Variants in ZNF747 observed in about 807,000 individuals in gnomAD.
ZNF747 encodes zinc finger protein 747, also known as KRAB domain-containing protein ZNF747.
ZNF747 carries 14 observed loss-of-function variants against 13.4 expected under a neutral mutation model. That is an observed-to-expected ratio of 1.04 (90% CI 0.69 to 1.63). The LOEUF is 1.63. Ranked by LOEUF, ZNF747 falls within the 40% of genes most tolerant of loss-of-function variation. The pLI is 0.00. For missense variants in ZNF747, 532 were observed against 477.9 expected, an observed-to-expected ratio of 1.11 and a Z score of -1.05; for synonymous variants, 212 against 206.5, an observed-to-expected ratio of 1.03 and a Z score of -0.23.
chr16:30,533,260 ATGGAG>A, intron 2 of ZNF747, 109 bp from the exon 3 acceptor site: 1 of 1,408,166 alleles, frequency 7.1e-7, no homozygotes, highest in Non-Finnish European at 9.7e-7. Context: ...CTCCTAGGAG[ATGGAG>A]GAGTGACACC....
In ZNF747 at chr16:30,532,831, C is replaced by A. The variant is rs1365018223; in HGVS notation, c.664G>T (p.Ala222Ser). Reference protein sequence around the residue: ...CADCGKGFGHASSLSKHRAIH... With the variant: ...CADCGKGFGHSSSLSKHRAIH... ...GCCCGGTGTTTGCTCAGGGAGGAAGCGTGGCCGAAGCCCTTGCCGCAGTCT... is the reference window on the plus strand; with the variant it reads ...GCCCGGTGTTTGCTCAGGGAGGAAGAGTGGCCGAAGCCCTTGCCGCAGTCT... Residue 222 changes from alanine to serine, a missense_variant, in exon 3 of 3, where the codon GCT (alanine) becomes TCT (serine). Transcript: ENST00000693075. 6.3e-7 allele frequency: 1 copy of A among 1,578,520 alleles called. No homozygotes were observed. The highest frequency in any genetic ancestry group is 8.6e-7 in the Non-Finnish European group (1 of 1,164,938).
In ZNF747 at chr16:30,534,588, C is replaced by T. The variant is rs984204735; in HGVS notation, c.92G>A (p.Trp31Ter). 3.1e-6 allele frequency: 5 copies of T among 1,602,106 alleles called. No homozygotes were observed. The highest frequency in any genetic ancestry group is 4.3e-6 in the Non-Finnish European group (5 of 1,175,936). The change falls in exon 1 of 3, where the codon TGG becomes TAG. Residue 31 changes from tryptophan (W) to a stop codon, truncating the protein, a stop_gained. Transcript: ENST00000693075. LOFTEE classifies it high-confidence loss of function. ...PRDPNGAGSE[W>*]RKPGAVSFAD... ...GAAGCTCACGGCCCCGGGCTTTCTC[C>T]ACTCGGATCCCGCCCCGTTTGGGTC...
rs1448349156 is a variant in ZNF747 at position 30,532,410 on chromosome 16, G to A, written c.*89C>T. The A allele has an allele frequency of 6.9e-7, 1 of 1,442,204 alleles. No homozygotes were observed. Among genetic ancestry groups the A allele is most frequent in the Non-Finnish European group, 9.4e-7 (1 of 1,063,098 alleles). The allele number at this position is 1,442,204 out of a possible 1,614,324, so 89.3% of individuals were successfully genotyped here. On this transcript the variant is annotated 3_prime_UTR_variant, in exon 3 of 3. Transcript: ENST00000693075. The stretch of plus-strand genomic sequence containing the variant: ...CAGGCCAGCTCTTGCGGTGGATTCT[G>A]GGACCTCCCTGCAGGCCGCTGCAGA...
chr16:30,534,770 G>GC lies in ZNF747; in HGVS notation c.-92dup, dbSNP rs2051433625. On this transcript the variant is annotated 5_prime_UTR_variant, in exon 1 of 3. Transcript: ENST00000693075. ...CAAGGGAAGGAGGGACGTCAGTAGA[G>GC]CCCCCGAAGGCCCACTAGAGGGGAT... 2 of 1,437,800 alleles carry GC rather than the reference G, an allele frequency of 1.4e-6. No homozygotes were observed. The allele number at this position is 1,437,800 out of a possible 1,614,324, so 89.1% of individuals were successfully genotyped here.
rs2051401654 is a variant in ZNF747 at position 30,533,005 on chromosome 16, G to A, written c.490C>T (p.Arg164Trp). Residue 164 changes from arginine to tryptophan, a missense_variant, in exon 3 of 3, where the codon CGG becomes TGG. By Grantham distance (101) the Arg-to-Trp change is moderately radical. Transcript: ENST00000693075. The stretch of plus-strand genomic sequence containing the variant: ...TGGGCAAAAAAGCGGGGGCGACTCC[G>A]GCGCCGGGCCTTGGACAGCTGCTCC... ...GLEQLSKARR[R>W]SRPRFFAHPP... The A allele has an allele frequency of 6.2e-7, 1 of 1,610,430 alleles. No individual in the cohort carries two copies. Among genetic ancestry groups the A allele is most frequent in the African/African-American group, 1.3e-5 (1 of 74,876 alleles).
chr16:30,534,624 A>AGC lies in ZNF747; in HGVS notation c.54_55dup (p.Leu19ArgfsTer20). ...CGCCCCGTTTGGGTCCCGGGGAGGG[A>AGC]GCGGGGCCAGAGGCGGCGCCATGGG... On this transcript the variant is annotated frameshift_variant, in exon 1 of 3. Coordinates refer to ENST00000693075, the MANE Select transcript of ZNF747 (RefSeq NM_001305018.2). LOFTEE classifies it high-confidence loss of function. The AGC allele has an allele frequency of 6.3e-7, 1 of 1,584,016 alleles. No homozygotes were observed. Among genetic ancestry groups the AGC allele is most frequent in the South Asian group, 1.1e-5 (1 of 87,574 alleles).
At position 30,532,609 on chromosome 16, in the gene ZNF747, T is replaced by C. The variant is rs1463682153; in HGVS notation, c.886A>G (p.Arg296Gly). The stretch of plus-strand genomic sequence containing the variant: ...GACAGCCCCCCAGGGCGCCGGCCCC[T>C]ACGCCCCTCGCCCCCGGGCCGATGG... ...WVHRPGGEGR[R>G]GRRPGGLSVT... is the part of the protein sequence containing the mutation. The change falls in exon 3 of 3, where the codon AGG becomes GGG. Residue 296 changes from arginine (R) to glycine (G), a missense_variant. Transcript: ENST00000693075. The C allele has an allele frequency of 5.8e-6, 9 of 1,553,980 alleles. No individual in the cohort carries two copies. The highest frequency in any genetic ancestry group is 7.8e-6 in the Non-Finnish European group (9 of 1,153,254).
Position 30,532,612 on chromosome 16 carries a change from GC to G in ZNF747, c.882del (p.Arg295ValfsTer11). On this transcript the variant is annotated frameshift_variant, in exon 3 of 3. Coordinates refer to ENST00000693075, the MANE Select transcript of ZNF747 (RefSeq NM_001305018.2). LOFTEE classifies it low-confidence loss of function (END_TRUNC). ...HQWVHRPGGE[G>X]RRGRRPGGLS... Reference sequence around the variant, plus strand: ...AGCCCCCCAGGGCGCCGGCCCCTACGCCCCTCGCCCCCGGGCCGATGGACCC... The same window carrying G: ...AGCCCCCCAGGGCGCCGGCCCCTACGCCCTCGCCCCCGGGCCGATGGACCC... The G allele has an allele frequency of 6.4e-7, 1 of 1,551,980 alleles. No homozygotes were observed.
chr16:30,533,266 G>T, intron 2 of ZNF747, 115 bp from the exon 3 acceptor site: 1 of 1,339,514 alleles, frequency 7.5e-7, no homozygotes, highest in Non-Finnish European at 1.0e-6. Flanking sequence ...GGAGATGGAG[G>T]AGTGACACCT....
chr16:30,532,427 C>CG lies in ZNF747; in HGVS notation c.*71dup. On this transcript the variant is annotated 3_prime_UTR_variant, in exon 3 of 3. Transcript: ENST00000693075. The stretch of plus-strand genomic sequence containing the variant: ...TGGATTCTGGGACCTCCCTGCAGGC[C>CG]GCTGCAGAGGTTCGGGCCCCTGAGC... The CG allele has an allele frequency of 1.3e-6, 2 of 1,502,382 alleles. No individual in the cohort carries two copies. Among genetic ancestry groups the CG allele is most frequent in the South Asian group, 2.4e-5 (2 of 83,340 alleles). 93.1% of individuals were successfully genotyped at this position (1,502,382 alleles called of 1,614,324 possible).
chr16:30,533,618 A>C lies in ZNF747; in HGVS notation c.344-467T>G, dbSNP rs187554621. Among the ~76,000 whole-genome samples the C allele has an allele frequency of 3.3e-5, 5 of 152,176 alleles. No homozygotes were observed. The East Asian group carries it at 9.7e-4, about 29-fold the overall frequency. On this transcript the variant is annotated intron_variant, in intron 2 of 2. Transcript: ENST00000693075. ...CATGATGTGGAGGTAGAGTCAACAG[A>C]ACCTAGAGGCCGGGTGCAGTGGCTC...
In ZNF747 at chr16:30,532,038, C is replaced by T. The variant is rs2051382619; in HGVS notation, c.*461G>A. On this transcript the variant is annotated 3_prime_UTR_variant, in exon 3 of 3. Transcript: ENST00000693075. ...TGGCAGGTGCCTGTAATTCCAGCTACTTGGGTGGCTGAGGCAGGAGAATCG... is the reference window on the plus strand; with the variant it reads ...TGGCAGGTGCCTGTAATTCCAGCTATTTGGGTGGCTGAGGCAGGAGAATCG... 2 of 173,816 alleles carry T rather than the reference C, an allele frequency of 1.2e-5. No homozygotes were observed. Among genetic ancestry groups the T allele is most frequent in the Non-Finnish European group, 2.5e-5 (2 of 80,378 alleles). 10.8% of individuals were successfully genotyped at this position (173,816 alleles called of 1,614,324 possible).
At position 30,534,477 on chromosome 16, in the gene ZNF747, TC is replaced by T. The variant is rs2051427689; in HGVS notation, c.202del (p.Glu68ArgfsTer78). The T allele has an allele frequency of 1.2e-6, 2 of 1,603,922 alleles. No homozygotes were observed. The highest frequency in any genetic ancestry group is 1.7e-6 in the Non-Finnish European group (2 of 1,175,832). The stretch of plus-strand genomic sequence containing the variant: ...GAGCGCGCCCAGGTGGCCGTAGGTC[TC>T]CCGCATCACGTCCCGGTACAGGGCC... ...QRALYRDVMRETYGHLGALGV... is the reference protein window; with the variant it reads ...QRALYRDVMRXTYGHLGALGV... On this transcript the variant is annotated frameshift_variant, in exon 1 of 3. Coordinates refer to ENST00000693075, the MANE Select transcript of ZNF747 (RefSeq NM_001305018.2). LOFTEE classifies it high-confidence loss of function.
chr16:30,532,329 A>G lies in ZNF747; in HGVS notation c.*170T>C, dbSNP rs2051386425. The stretch of plus-strand genomic sequence containing the variant: ...CCTTGGAGAGCCCAGGGCAGCGGGG[A>G]GCAAGGTGCTGGCAGAAGAGGCTGC... On this transcript the variant is annotated 3_prime_UTR_variant, in exon 3 of 3. Coordinates refer to ENST00000693075, the MANE Select transcript of ZNF747 (RefSeq NM_001305018.2). The G allele has an allele frequency of 4.5e-5, 34 of 751,168 alleles. 1 individual carries two copies. In the South Asian group the frequency reaches 5.9e-4, roughly 13 times the overall value. 46.5% of individuals were successfully genotyped at this position (751,168 alleles called of 1,614,324 possible).
rs780516951 is a variant in ZNF747, at chr16:30,532,561, C to T, written c.934G>A (p.Gly312Arg). 8 of 1,585,604 alleles carry T rather than the reference C, an allele frequency of 5.0e-6. No individual in the cohort carries two copies. The highest frequency in any genetic ancestry group is 1.1e-5 in the South Asian group (1 of 87,370). The change falls in exon 3 of 3, where the codon GGG becomes AGG. Residue 312 changes from glycine (G) to arginine (R), a missense_variant. Transcript: ENST00000693075. The part of the protein sequence containing the change: ...GLSVTLTPVR[G>R]DLDPPVGFQL... Reference sequence around the variant, plus strand: ...AAGCCCACAGGCGGGTCCAGGTCCCCGCGGACAGGAGTCAGGGTCACAGAC... The same window carrying T: ...AAGCCCACAGGCGGGTCCAGGTCCCTGCGGACAGGAGTCAGGGTCACAGAC...
chr16:30,534,359 G>C (rs771616280), intron 1 of ZNF747, 49 bp from the exon 2 acceptor site: 1 of 1,554,878 alleles, frequency 6.4e-7, no homozygotes. Flanking sequence ...CCGCCTGCCC[G>C]GCCCCGGGGC....
Position 30,534,279 on chromosome 16 carries a change from G to A in ZNF747, c.261C>T (p.Ser87=). The A allele has an allele frequency of 6.3e-7, 1 of 1,591,442 alleles. No homozygotes were observed. The highest frequency in any genetic ancestry group is 2.3e-5 in the East Asian group (1 of 43,086). Residue 87 remains serine (S), a synonymous_variant, in exon 2 of 3, where the codon TCC becomes TCT. Coordinates refer to ENST00000693075, the MANE Select transcript of ZNF747 (RefSeq NM_001305018.2). ...ACAGTTCGGCCTTCTCCTCCACCCAGGAGATGAGCGCCGGCTTGCTGCCTC... is the reference window on the plus strand; with the variant it reads ...ACAGTTCGGCCTTCTCCTCCACCCAAGAGATGAGCGCCGGCTTGCTGCCTC... ...GVGGSKPALI[S]WVEEKAELWD...
chr16:30,533,386 T>C (rs2051408936), intron 2 of ZNF747, among the ~76,000 whole-genome samples: 1 of 152,080 alleles, frequency 6.6e-6, no homozygotes, highest in Non-Finnish European at 1.5e-5. Context: ...CGTGAACATC[T>C]GGGCCTGATC....
In ZNF747 at chr16:30,532,884, T is replaced by G; in HGVS notation, c.611A>C (p.His204Pro). The change falls in exon 3 of 3, where the codon CAC (histidine) becomes CCC (proline). Residue 204 changes from histidine (H) to proline (P), a missense_variant. Physicochemically the swap from His to Pro is moderately conservative, Grantham distance 77. Transcript: ENST00000693075. Reference sequence around the variant, plus strand: ...GCAGTGGAAGGGCTTCTCGCCCCTGTGGCTGTAAATGTGCTCCACCAGTGT... The same window carrying G: ...GCAGTGGAAGGGCTTCTCGCCCCTGGGGCTGTAAATGTGCTCCACCAGTGT... ...RSTLVEHIYS[H>P]RGEKPFHCAD... 1 of 1,596,614 alleles carries G rather than the reference T, an allele frequency of 6.3e-7. No homozygotes were observed. Among genetic ancestry groups the G allele is most frequent in the Non-Finnish European group, 8.5e-7 (1 of 1,174,262 alleles).
Sources: allele counts gnomAD v4.1 joint callset (sites outside exome capture counted in the v4.1 genomes callset), GRCh38; gene constraint gnomAD v4.1.1; transcripts MANE v1.5; gene names NCBI Gene and HGNC (gene_info 2026-07-23, HGNC 2026-07-21).